Variants in C2CD2L observed in about 807,000 individuals in gnomAD.
C2CD2L encodes the protein phospholipid transfer protein C2CD2L.
C2CD2L carries 24 observed loss-of-function variants against 69.9 expected under a neutral mutation model. The observed-to-expected ratio is 0.34, with a 90% CI of 0.25 to 0.48. The LOEUF is 0.48. Ranked by LOEUF, C2CD2L falls within the 20% of genes least tolerant of loss-of-function variation. C2CD2L has a pLI of 0.99. For missense variants in C2CD2L, 811 were observed against 941.5 expected (o/e 0.86, Z 1.81); for synonymous variants, 367 against 391.0 (o/e 0.94, Z 0.72).
chr11:119,104,893 T>C (rs1389708512), upstream of C2CD2L, among the ~76,000 whole-genome samples: 1 of 152,242 alleles, frequency 6.6e-6, no homozygotes, highest in East Asian at 1.9e-4. Flanking sequence ...TCCAGTCAGC[T>C]GAATCACTCT....
chr11:119,102,815 G>C (rs984577006), upstream of C2CD2L, among the ~76,000 whole-genome samples: 1 of 145,950 alleles, frequency 6.9e-6, no homozygotes, highest in Non-Finnish European at 1.5e-5. Context: ...GCAGGTTGCT[G>C]TGCATTTTGC....
chr11:119,107,611 G>A lies in C2CD2L; in HGVS notation c.-131G>A, dbSNP rs1823838442. 2 of 491,774 alleles carry A rather than the reference G, an allele frequency of 4.1e-6. No homozygotes were observed. The highest frequency in any genetic ancestry group is 6.8e-6 in the Non-Finnish European group (2 of 294,210). 30.5% of individuals were successfully genotyped at this position (491,774 alleles called of 1,614,324 possible). On this transcript the variant is annotated 5_prime_UTR_variant, in exon 1 of 14. Coordinates refer to ENST00000648610, the MANE Select transcript of C2CD2L (RefSeq NM_001290474.2). This position sits in a 1 kb window ranked among gnomAD's most constrained non-coding sequence, Gnocchi z 5.4. ...ACCCACTAGTCCTGGGCACTCAGCCGCGGAGAGCCCCCGACCCCGCGCGCC... is the reference window on the plus strand; with the variant it reads ...ACCCACTAGTCCTGGGCACTCAGCCACGGAGAGCCCCCGACCCCGCGCGCC...
Position 119,111,067 on chromosome 11 carries a change from G to T in C2CD2L, c.697G>T (p.Val233Leu), listed in dbSNP as rs137905170. The change falls in exon 5 of 14, where the codon GTG (valine) becomes TTG (leucine). Residue 233 changes from valine (V) to leucine (L), a missense_variant. Physicochemically the swap from Val to Leu is conservative, Grantham distance 32. Coordinates refer to ENST00000648610, the MANE Select transcript of C2CD2L (RefSeq NM_001290474.2). ...CTCTCTGCAGAGAGGTGAAGAACAA[G>T]TGGAGCTCTCCACAATTGAGGAACT... is the stretch of plus-strand genomic sequence containing the variant. ...LQARERGEEQVELSTIEELIK... is the reference protein window; with the variant it reads ...LQARERGEEQLELSTIEELIK... The T allele has an allele frequency of 3.1e-6, 5 of 1,614,092 alleles. No homozygotes were observed. Among genetic ancestry groups the T allele is most frequent in the Non-Finnish European group, 4.2e-6 (5 of 1,179,982 alleles).
chr11:119,112,277 G>A (rs755076657), intron 7 of C2CD2L, 51 bp from the exon 8 acceptor site: 1 of 1,541,716 alleles, frequency 6.5e-7, no homozygotes, highest in Non-Finnish European at 8.9e-7. Flanking sequence ...TCAAGTGTGG[G>A]TTCAGCTTGC....
chr11:119,113,937 C>T lies in C2CD2L; in HGVS notation c.1572C>T (p.Ala524=), dbSNP rs757840934. 8 of 1,613,952 alleles carry T rather than the reference C, an allele frequency of 5.0e-6. No homozygotes were observed. The highest frequency in any genetic ancestry group is 5.9e-6 in the Non-Finnish European group (7 of 1,179,986). The change falls in exon 12 of 14, where the codon GCC becomes GCT. Residue 524 remains alanine, a synonymous_variant. Coordinates refer to ENST00000648610, the MANE Select transcript of C2CD2L (RefSeq NM_001290474.2). The part of the protein sequence containing the change: ...RQLTEPSGRV[A]KKTPTKRSTL... ...TGACAGAGCCCAGTGGGCGGGTGGC[C>T]AAGAAGACACCCACCAAGCGCAGCA...
At chr11:119,113,049 A>C (rs1592242130) in intron 10 of C2CD2L, 175 bp downstream of exon 10, 2 of 610,366 alleles carry the variant, frequency 3.3e-6, no homozygotes, top group Non-Finnish European at 2.8e-6. Flanking sequence ...ACTTTCCCTT[A>C]CCTCCTGCCA....
In C2CD2L at chr11:119,110,051, C is replaced by G; in HGVS notation, c.355-53C>G. 7.4e-7 allele frequency: 1 copy of G among 1,347,876 alleles called. No homozygotes were observed. Among genetic ancestry groups the G allele is most frequent in the South Asian group, 1.2e-5 (1 of 85,720 alleles). The allele number at this position is 1,347,876 out of a possible 1,614,324, so 83.5% of individuals were successfully genotyped here. On this transcript the variant is annotated intron_variant, in intron 1 of 13. Transcript: ENST00000648610. This position sits in a 1 kb window ranked among gnomAD's most constrained non-coding sequence, Gnocchi z 5.7. ...CCAGCCAGCAACTGAGCAGGCCAAC[C>G]CTGTGGGGGGCAGCTCCAGAGACCT...
Position 119,117,194 on chromosome 11 carries a change from CAG to C in C2CD2L, c.*939_*940del, listed in dbSNP as rs1271270790. The C allele has an allele frequency of 6.6e-6, 1 of 152,540 alleles. No individual in the cohort carries two copies. Among genetic ancestry groups the C allele is most frequent in the East Asian group, 1.9e-4 (1 of 5,200 alleles). 9.4% of individuals were successfully genotyped at this position (152,540 alleles called of 1,614,324 possible). On this transcript the variant is annotated 3_prime_UTR_variant, in exon 14 of 14. Transcript: ENST00000648610. ...ACATGGATGGTGTGGGAGGATGAGACAGGGGCCCGGATAATGAGGTTGGGTAG... is the reference window on the plus strand; with the variant it reads ...ACATGGATGGTGTGGGAGGATGAGACGGGCCCGGATAATGAGGTTGGGTAG...
Position 119,110,514 on chromosome 11 carries a change from AG to A in C2CD2L, c.451-44del, listed in dbSNP as rs1946705110. Reference sequence around the variant, plus strand: ...GAACTATTACAGGGCAGTTCAAAGCAGGGTGAGCACCCTTCCCCCACATCTG... The same window carrying A: ...GAACTATTACAGGGCAGTTCAAAGCAGGTGAGCACCCTTCCCCCACATCTG... On this transcript the variant is annotated intron_variant, in intron 2 of 13. Transcript: ENST00000648610. The surrounding 1 kb of genome is among the most constrained non-coding windows in gnomAD (Gnocchi z 5.7). 4 of 1,587,402 alleles carry A rather than the reference AG, an allele frequency of 2.5e-6. No individual in the cohort carries two copies. The East Asian group carries it at 9.1e-5, about 36-fold the overall frequency.
chr11:119,114,016 G>A lies in C2CD2L; in HGVS notation c.1623+28G>A. On this transcript the variant is annotated intron_variant, in intron 12 of 13. Transcript: ENST00000648610. The surrounding 1 kb of genome is among the most constrained non-coding windows in gnomAD (Gnocchi z 5.1). ...AACAGGGCTCTGGGGAGAGGAGCTG[G>A]GATGGGGAGAAAGCCCTAATGGGTC... 1 of 1,613,390 alleles carries A rather than the reference G, an allele frequency of 6.2e-7. No individual in the cohort carries two copies. Among genetic ancestry groups the A allele is most frequent in the East Asian group, 2.2e-5 (1 of 44,854 alleles).
At position 119,110,827 on chromosome 11, in the gene C2CD2L, C is replaced by A; in HGVS notation, c.571-20C>A. The A allele has an allele frequency of 6.2e-7, 1 of 1,612,776 alleles. No homozygotes were observed. Among genetic ancestry groups the A allele is most frequent in the South Asian group, 1.1e-5 (1 of 90,924 alleles). On this transcript the variant is annotated intron_variant, in intron 3 of 13. Transcript: ENST00000648610. The surrounding 1 kb of genome is among the most constrained non-coding windows in gnomAD (Gnocchi z 5.7). ...GGTAAATGGGGCAAGTCAGCCCAGT[C>A]ACTTTGTTCCTGTCTGTAGTTGGAA...
At chr11:119,108,635 A>C (rs780715097) in intron 1 of C2CD2L, among the ~76,000 whole-genome samples, 3 of 152,170 alleles carry the variant, frequency 2.0e-5, no homozygotes, top group Non-Finnish European at 4.4e-5. Flanking sequence ...GGTGGAGAGC[A>C]GATTGACAGT....
intron 7 of C2CD2L, chr11:119,112,029 C>T (rs761527849): frequency 6.1e-5 from 29 of 477,082 alleles, no homozygotes; most frequent in Non-Finnish European, 9.0e-5. Context: ...AAAGTATTCT[C>T]GGCAGAGGGA....
At position 119,110,901 on chromosome 11, in the gene C2CD2L, T is replaced by C; in HGVS notation, c.625T>C (p.Phe209Leu). 6.2e-7 allele frequency: 1 copy of C among 1,614,164 alleles called. No homozygotes were observed. Among genetic ancestry groups the C allele is most frequent in the Non-Finnish European group, 8.5e-7 (1 of 1,179,996 alleles). Residue 209 changes from phenylalanine (F) to leucine (L), a missense_variant, in exon 4 of 14, where the codon TTC (phenylalanine) becomes CTC (leucine). Coordinates refer to ENST00000648610, the MANE Select transcript of C2CD2L (RefSeq NM_001290474.2). The surrounding 1 kb of genome is among the most constrained non-coding windows in gnomAD (Gnocchi z 5.7). Reference sequence around the variant, plus strand: ...TGAGGGGCTGCTCATATCCTGGGCCTTCACTGATCGCCCAGATCTCAGCCT... The same window carrying C: ...TGAGGGGCTGCTCATATCCTGGGCCCTCACTGATCGCCCAGATCTCAGCCT... ...PGEGLLISWA[F>L]TDRPDLSLTV...
upstream of C2CD2L, among the ~76,000 whole-genome samples, chr11:119,104,710 T>A (rs531289378): frequency 1.2e-4 from 18 of 152,238 alleles, no homozygotes; most frequent in African/African-American, 4.1e-4. Context: ...GTGTTTGAGA[T>A]GCACACCTCT....
In C2CD2L at chr11:119,117,665, C is replaced by T. The variant is rs967936410; in HGVS notation, c.*1409C>T. 1 of 152,202 alleles carries T rather than the reference C, an allele frequency of 6.6e-6. No homozygotes were observed. The highest frequency in any genetic ancestry group is 2.4e-5 in the African/African-American group (1 of 41,442). The allele number at this position is 152,202 out of a possible 1,614,324, so 9.4% of individuals were successfully genotyped here. A position where few individuals can be genotyped will look rare whatever the true frequency, so the allele number is the denominator to read the frequency against. The stretch of plus-strand genomic sequence containing the variant: ...TCAACATAATAAAAGCTCTCTCATT[C>T]TGAAATGTGGGCAAATTTCAGGGAT... On this transcript the variant is annotated 3_prime_UTR_variant, in exon 14 of 14. Transcript: ENST00000648610.
chr11:119,111,928 C>T, intron 7 of C2CD2L: 1 of 444,510 alleles, frequency 2.2e-6, no homozygotes, highest in South Asian at 2.8e-5. Context: ...AGATTAATTC[C>T]CATGAGGGAA....
chr11:119,102,324 G>A, upstream of C2CD2L: 2 of 471,582 alleles, frequency 4.2e-6, no homozygotes, highest in Non-Finnish European at 8.8e-6. Flanking sequence ...AGGGTGTGGA[G>A]ACGCGCCTGT....
chr11:119,107,751 G>T lies in C2CD2L; in HGVS notation c.10G>T (p.Gly4Cys), dbSNP rs1260329052. The T allele has an allele frequency of 2.6e-6, 4 of 1,531,718 alleles. No homozygotes were observed. Among genetic ancestry groups the T allele is most frequent in the Admixed American group, 2.1e-5 (1 of 48,752 alleles). The allele number at this position is 1,531,718 out of a possible 1,614,324, so 94.9% of individuals were successfully genotyped here. Residue 4 changes from glycine to cysteine, a missense_variant, in exon 1 of 14, where the codon GGC (glycine) becomes TGC (cysteine). Physicochemically the swap from Gly to Cys is radical, Grantham distance 159. Transcript: ENST00000648610. This position sits in a 1 kb window ranked among gnomAD's most constrained non-coding sequence, Gnocchi z 5.4. MDP[G>C]WGQRDVGWAA... Reference sequence around the variant, plus strand: ...GGAGCCCGCGCGGAGCATGGATCCGGGCTGGGGGCAGCGGGACGTGGGCTG... The same window carrying T: ...GGAGCCCGCGCGGAGCATGGATCCGTGCTGGGGGCAGCGGGACGTGGGCTG...
Sources: gnomAD v4.1 joint callset for allele counts (sites outside exome capture counted in the v4.1 genomes callset) on GRCh38, gnomAD v4.1.1 for gene constraint, Gnocchi (gnomAD v3.1) non-coding constraint, MANE v1.5 for transcripts, NCBI Gene and HGNC (gene_info 2026-07-23, HGNC 2026-07-21) for gene names.